EFNA1: variants seen among roughly 807,000 people sequenced by gnomAD.
EFNA1 encodes ephrin A1, also known as ephrin-A1.
EFNA1 carries 8 observed loss-of-function variants against 23.2 expected under a neutral mutation model. The ratio of observed to expected loss-of-function variants is 0.34; its 90% CI spans 0.20 to 0.62. The LOEUF (loss-of-function observed/expected upper bound fraction) is 0.62. Among genes scored for constraint, EFNA1 ranks in the 20% least tolerant of loss-of-function variants. EFNA1 has a pLI of 0.75. For missense variants in EFNA1, 217 were observed against 260.0 expected, an observed-to-expected ratio of 0.83 and a Z score of 1.14; for synonymous variants, 89 against 98.6, an observed-to-expected ratio of 0.90 and a Z score of 0.58.
chr1:155,130,475 G>A, intron 1 of EFNA1: 3 of 975,410 alleles, frequency 3.1e-6, no homozygotes, highest in Non-Finnish European at 3.7e-6. Flanking sequence ...GAGGGGAGAG[G>A]AGGGGAGAGG....
intron 3 of EFNA1, 64 bp from the exon 4 acceptor site, chr1:155,133,666 T>G: frequency 6.2e-7 from 1 of 1,608,372 alleles, no homozygotes; most frequent in African/African-American, 1.3e-5. Context: ...CCCAGCCCAC[T>G]CATACTTACA....
Position 155,133,494 on chromosome 1 carries a change from A to G in EFNA1, c.389-9A>G, listed in dbSNP as rs925972885. The G allele has an allele frequency of 6.2e-7, 1 of 1,614,036 alleles. No homozygotes were observed. Among genetic ancestry groups the G allele is most frequent in the African/African-American group, 1.3e-5 (1 of 74,910 alleles). ...TTTCTTATTTAACCCCTGTGGGCTT[A>G]TCTTGCAGCCAAACCCATCCACCAG... On this transcript the variant is annotated splice_polypyrimidine_tract_variant and intron_variant, in intron 2 of 4. Coordinates refer to ENST00000368407, the MANE Select transcript of EFNA1 (RefSeq NM_004428.3).
chr1:155,127,955 T>C lies in EFNA1; in HGVS notation c.-23T>C. On this transcript the variant is annotated 5_prime_UTR_variant, in exon 1 of 5. Transcript: ENST00000368407. The surrounding 1 kb of genome is among the most constrained non-coding windows in gnomAD (Gnocchi z 4.4). ...ACCCATAGGAGACCCGCGTCCCCGC[T>C]CGGCCTGGCCAGGCCCCGCGCTATG... 6.2e-7 allele frequency: 1 copy of C among 1,605,590 alleles called. No individual in the cohort carries two copies. Among genetic ancestry groups the C allele is most frequent in the Non-Finnish European group, 8.5e-7 (1 of 1,175,234 alleles).
chr1:155,133,339 T>G (rs1156594157), intron 2 of EFNA1, among the ~76,000 whole-genome samples, 164 bp from the exon 3 acceptor site: 1 of 152,102 alleles, frequency 6.6e-6, no homozygotes, highest in Non-Finnish European at 1.5e-5. Context: ...GGCTGAACAT[T>G]GGGCAGGAAG....
intron 2 of EFNA1, among the ~76,000 whole-genome samples, chr1:155,132,216 C>T (rs1664252164): frequency 6.6e-6 from 1 of 152,008 alleles, no homozygotes; most frequent in Admixed American, 6.6e-5. Flanking sequence ...TGAGGGCTCT[C>T]GCCACTGATG....
rs1374857084 is a variant in EFNA1 at position 155,128,006 on chromosome 1, G to C, written c.29G>C (p.Gly10Ala). ...GAGTTCCTCTGGGCCCCTCTCTTGG[G>C]TCTGTGCTGCAGTCTGGCCGCTGCT... is the stretch of plus-strand genomic sequence containing the variant. The part of the protein sequence containing the change: MEFLWAPLL[G>A]LCCSLAAADR... Residue 10 changes from glycine to alanine, a missense_variant, in exon 1 of 5, where the codon GGT becomes GCT. Physicochemically the swap from Gly to Ala is moderately conservative, Grantham distance 60 (BLOSUM62 0). Transcript: ENST00000368407. 2 of 1,613,482 alleles carry C rather than the reference G, an allele frequency of 1.2e-6. No homozygotes were observed. The highest frequency in any genetic ancestry group is 1.7e-6 in the Non-Finnish European group (2 of 1,180,006).
chr1:155,134,130 C>T lies in EFNA1; in HGVS notation c.*63C>T, dbSNP rs112138844. 6,614 of 1,537,170 alleles carry T rather than the reference C, an allele frequency of 4.3e-3. 28 individuals are homozygous for T. Among genetic ancestry groups the T allele is most frequent in the South Asian group, 7.6e-3 (654 of 85,790 alleles). On this transcript the variant is annotated 3_prime_UTR_variant, in exon 5 of 5. Coordinates refer to ENST00000368407, the MANE Select transcript of EFNA1 (RefSeq NM_004428.3). ...TGAAGAGAGGGACAGGCACTCCAAA[C>T]CTGTCTTGGGGCCACTTTCAGAGCC...
chr1:155,131,590 C>T lies in EFNA1; in HGVS notation c.344C>T (p.Thr115Ile). The T allele has an allele frequency of 6.2e-7, 1 of 1,613,894 alleles. No homozygotes were observed. Among genetic ancestry groups the T allele is most frequent in the Non-Finnish European group, 8.5e-7 (1 of 1,179,872 alleles). Reference sequence around the variant, plus strand: ...AAGTTCCAGCGCTTCACACCTTTCACCCTGGGCAAGGAGTTCAAAGAAGGA... The same window carrying T: ...AAGTTCCAGCGCTTCACACCTTTCATCCTGGGCAAGGAGTTCAAAGAAGGA... ...SEKFQRFTPF[T>I]LGKEFKEGHS... The change falls in exon 2 of 5, where the codon ACC becomes ATC. Residue 115 changes from threonine (T) to isoleucine (I), a missense_variant. By Grantham distance (89) the Thr-to-Ile change is moderately conservative. Coordinates refer to ENST00000368407, the MANE Select transcript of EFNA1 (RefSeq NM_004428.3).
chr1:155,128,123 C>A (rs1193869893), intron 1 of EFNA1, 54 bp downstream of exon 1: 1 of 1,511,500 alleles, frequency 6.6e-7, no homozygotes, highest in Non-Finnish European at 9.2e-7. Context: ...CACTACCCCA[C>A]CGGGATAACT....
At position 155,131,357 on chromosome 1, in the gene EFNA1, C is replaced by A; in HGVS notation, c.111C>A (p.Tyr37Ter). 6.2e-7 allele frequency: 1 copy of A among 1,613,054 alleles called. No individual in the cohort carries two copies. Among genetic ancestry groups the A allele is most frequent in the Non-Finnish European group, 8.5e-7 (1 of 1,179,176 alleles). The change falls in exon 2 of 5, where the codon TAC becomes TAA. Residue 37 changes from tyrosine to a stop codon, truncating the protein, a stop_gained. Coordinates refer to ENST00000368407, the MANE Select transcript of EFNA1 (RefSeq NM_004428.3). LOFTEE classifies it high-confidence loss of function. ...SSNPKFRNED[Y>*]TIHVQLNDYV... ...TCCCCAGGTTCCGGAATGAGGACTA[C>A]ACCATACATGTGCAGCTGAATGACT...
At chr1:155,132,745 G>A (rs1446600553) in intron 2 of EFNA1, among the ~76,000 whole-genome samples, 7 of 151,414 alleles carry the variant, frequency 4.6e-5, no homozygotes, top group Admixed American at 4.6e-4. Context: ...CAGGAGGATC[G>A]CTTGAACCCA....
intron 1 of EFNA1, chr1:155,130,500 GA>G (rs1664212993): frequency 1.0e-6 from 1 of 982,528 alleles, no homozygotes; most frequent in African/African-American, 1.8e-5. Context: ...GAGGAGGAGA[GA>G]GGGGAGAGAG....
chr1:155,130,865 C>T lies in EFNA1; in HGVS notation c.93-474C>T, dbSNP rs569372597. 6 of 985,198 alleles carry T rather than the reference C, an allele frequency of 6.1e-6. No individual in the cohort carries two copies. In the South Asian group the frequency reaches 2.8e-4, roughly 46 times the overall value. The allele number at this position is 985,198 out of a possible 1,614,324, so 61.0% of individuals were successfully genotyped here. A position where few individuals can be genotyped will look rare whatever the true frequency, so the allele number is the denominator to read the frequency against. ...TGAAGACACAGATGTGTTGGAGGCT[C>T]CAGGCTAGCATGGTAAAGAGAAAGG... On this transcript the variant is annotated intron_variant, in intron 1 of 4. Coordinates refer to ENST00000368407, the MANE Select transcript of EFNA1 (RefSeq NM_004428.3).
chr1:155,133,629 A>G, intron 3 of EFNA1, 61 bp downstream of exon 3: 1 of 1,609,958 alleles, frequency 6.2e-7, no homozygotes, highest in Non-Finnish European at 8.5e-7. Flanking sequence ...CGGTCTAGTG[A>G]TCTAGGATGG....
chr1:155,128,533 G>A, intron 1 of EFNA1, among the ~76,000 whole-genome samples: 1 of 152,208 alleles, frequency 6.6e-6, no homozygotes, highest in East Asian at 1.9e-4. Flanking sequence ...CCTCTCAGGA[G>A]AGAGCTGGGC....
In EFNA1 at chr1:155,134,344, A is replaced by C. The variant is rs769668333; in HGVS notation, c.*277A>C. The C allele has an allele frequency of 1.2e-5, 6 of 492,570 alleles. No individual in the cohort carries two copies. The highest frequency in any genetic ancestry group is 2.2e-5 in the Non-Finnish European group (6 of 267,584). The allele number at this position is 492,570 out of a possible 1,614,324, so 30.5% of individuals were successfully genotyped here. ...CCCACCATTCCTGCCTTTAAGCCAA[A>C]GAAACAAGCTGTGCAGGCATGGTCC... On this transcript the variant is annotated 3_prime_UTR_variant, in exon 5 of 5. Coordinates refer to ENST00000368407, the MANE Select transcript of EFNA1 (RefSeq NM_004428.3).
chr1:155,131,754 T>G, intron 2 of EFNA1, 120 bp downstream of exon 2: 2 of 1,134,332 alleles, frequency 1.8e-6, no homozygotes, highest in Non-Finnish European at 2.5e-6. Context: ...AATTCTATTT[T>G]CATTCATCTA....
At chr1:155,133,661 C>T in intron 3 of EFNA1, 69 bp from the exon 4 acceptor site, 2 of 1,606,206 alleles carry the variant, frequency 1.2e-6, no homozygotes, top group Non-Finnish European at 1.7e-6. Context: ...TGCAGCCCAG[C>T]CCACTCATAC....
At chr1:155,132,327 C>T (rs1306772677) in intron 2 of EFNA1, among the ~76,000 whole-genome samples, 1 of 152,018 alleles carries the variant, frequency 6.6e-6, no homozygotes, top group East Asian at 2.0e-4. Flanking sequence ...CTGCTCACTG[C>T]AACCTCTACC....
Sources: allele counts gnomAD v4.1 joint callset (sites outside exome capture counted in the v4.1 genomes callset), GRCh38; gene constraint gnomAD v4.1.1; non-coding constraint Gnocchi (gnomAD v3.1); transcripts MANE v1.5; gene names NCBI Gene and HGNC (gene_info 2026-07-23, HGNC 2026-07-21).